Variants in MED23 observed in about 807,000 individuals in gnomAD.
MED23 encodes mediator complex subunit 23, also known as mediator of RNA polymerase II transcription subunit 23.
In MED23, 105 loss-of-function variants were observed where a neutral mutation model predicts 163.9. The observed-to-expected ratio is 0.64, with a 90% CI of 0.55 to 0.75. The LOEUF is 0.75. MED23 is among the 30% of genes least tolerant of loss of function. The pLI is 0.00. For missense variants in MED23, 1,054 were observed against 1,649.0 expected, an observed-to-expected ratio of 0.64 and a Z score of 6.25; for synonymous variants, 561 against 565.6, an observed-to-expected ratio of 0.99 and a Z score of 0.12.
At chr6:131,583,807 A>G, downstream of MED23, 1 of 1,614,092 alleles carries the variant, frequency 6.2e-7, no homozygotes. Context: ...AGAAGAAGTA[A>G]CTCGAACAGT....
chr6:131,581,317 C>A (rs1451472748), intron 30 of MED23: 1 of 1,613,878 alleles, frequency 6.2e-7, no homozygotes, highest in Admixed American at 1.7e-5. Flanking sequence ...CCACTGACAA[C>A]CACAAGTGGA....
intron 10 of MED23, among the ~76,000 whole-genome samples, chr6:131,611,638 T>C (rs1776281882): frequency 6.6e-6 from 1 of 152,068 alleles, no homozygotes; most frequent in Non-Finnish European, 1.5e-5. Context: ...ACCAACAACC[T>C]AAGAAATGTG....
intron 22 of MED23, among the ~76,000 whole-genome samples, chr6:131,594,853 A>G (rs1353082761): frequency 6.6e-6 from 1 of 152,208 alleles, no homozygotes; most frequent in African/African-American, 2.4e-5. Context: ...CAGCCAGGAT[A>G]TCTAAGAGGG....
At chr6:131,574,225 G>T in exon 31 of MED23, 1 of 1,587,984 alleles carries the variant, frequency 6.3e-7, no homozygotes, top group Non-Finnish European at 8.6e-7. Context: ...TTTTCTCCAG[G>T]TTTCTCAGGA....
chr6:131,606,504 G>T lies in MED23; in HGVS notation c.1342C>A (p.Pro448Thr), dbSNP rs1332611848. 3 of 1,613,402 alleles carry T rather than the reference G, an allele frequency of 1.9e-6. No homozygotes were observed. The highest frequency in any genetic ancestry group is 2.5e-6 in the Non-Finnish European group (3 of 1,179,622). ...TCATGGTGAAGTCTTAGGGAATGAG[G>T]TATTGGAATCTGTAGCTTGGAGTTG... ...NDNSKLQIPIPHSLRLHHEFL... is the reference protein window; with the variant it reads ...NDNSKLQIPITHSLRLHHEFL... The change falls in exon 13 of 29, where the codon CCT becomes ACT. Residue 448 changes from proline (P) to threonine (T), a missense_variant. Transcript: ENST00000368068.
In MED23 at chr6:131,606,606, T is replaced by C; in HGVS notation, c.1240A>G (p.Ile414Val). 2 of 1,611,352 alleles carry C rather than the reference T, an allele frequency of 1.2e-6. No homozygotes were observed. The highest frequency in any genetic ancestry group is 2.2e-5 in the East Asian group (1 of 44,772). ...PEKEYIPVPD[I>V]NKPQSTHAFA... ...GCATGGGTTGACTGGGGTTTGTTAA[T>C]ATCAGGAACTGGGATATACTGAAAA... is the stretch of plus-strand genomic sequence containing the variant. The change falls in exon 13 of 29, where the codon ATT (isoleucine) becomes GTT (valine). Residue 414 changes from isoleucine to valine, a missense_variant. Coordinates refer to ENST00000368068, the MANE Select transcript of MED23 (RefSeq NM_004830.4).
downstream of MED23, chr6:131,582,568 A>G: frequency 6.5e-6 from 9 of 1,375,866 alleles, no homozygotes; most frequent in South Asian, 2.3e-5. Flanking sequence ...CTTTGAATGT[A>G]GGATTTGTTC....
chr6:131,582,427 G>T (rs1773973879), downstream of MED23, among the ~76,000 whole-genome samples: 1 of 152,114 alleles, frequency 6.6e-6, no homozygotes, highest in Non-Finnish European at 1.5e-5. Context: ...AATGCCAACT[G>T]GTTCAAGGCA....
intron 3 of MED23, chr6:131,627,052 GA>G (rs1777551739): frequency 4.8e-6 from 1 of 206,578 alleles, no homozygotes; most frequent in African/African-American, 2.3e-5. Context: ...CAGAAAAATG[GA>G]ATTTGTATCC....
intron 30 of MED23, among the ~76,000 whole-genome samples, chr6:131,578,186 TAAAAAAAAA>T (rs34484161): frequency 7.1e-6 from 1 of 140,070 alleles, no homozygotes; most frequent in Admixed American, 7.1e-5. Context: ...CGTAAATCTT[TAAAAAAAAA>T]AAAAAAAGAC....
intron 6 of MED23, 118 bp from the exon 7 acceptor site, chr6:131,620,847 G>A: frequency 1.7e-6 from 1 of 592,830 alleles, no homozygotes; most frequent in South Asian, 2.2e-5. Context: ...TGTTGCCCAG[G>A]CTTGGAGTGC....
chr6:131,589,997 G>T (rs1265725493), intron 27 of MED23, among the ~76,000 whole-genome samples: 1 of 152,134 alleles, frequency 6.6e-6, no homozygotes, highest in African/African-American at 2.4e-5. Flanking sequence ...TTCCTTGTTT[G>T]CGACATTTTG....
chr6:131,593,317 G>A (rs1774791361), intron 23 of MED23, 146 bp from the exon 24 acceptor site: 1 of 1,003,838 alleles, frequency 1.0e-6, no homozygotes, highest in East Asian at 2.6e-5. Flanking sequence ...TGACATGATT[G>A]AAATGTATTA....
At chr6:131,625,854 G>A (rs1170075643) in intron 3 of MED23, among the ~76,000 whole-genome samples, 1 of 152,000 alleles carries the variant, frequency 6.6e-6, no homozygotes, top group African/African-American at 2.4e-5. Flanking sequence ...CGGGCGCGGT[G>A]GCTCATGCCT....
chr6:131,592,837 C>G (rs1200221510), intron 24 of MED23, 169 bp downstream of exon 24: 5 of 786,524 alleles, frequency 6.4e-6, no homozygotes, highest in African/African-American at 3.4e-5. Context: ...CTGTCCAGGG[C>G]TCATTCCATA....
chr6:131,599,272 A>C (rs912859605), intron 18 of MED23, among the ~76,000 whole-genome samples: 2 of 152,216 alleles, frequency 1.3e-5, no homozygotes, highest in African/African-American at 4.8e-5. Context: ...CAAGCCCTCC[A>C]GGTGATTTGG....
Position 131,589,513 on chromosome 6 carries a change from G to A in MED23, c.3891C>T (p.Phe1297=), listed in dbSNP as rs1348065283. Residue 1297 remains phenylalanine, a synonymous_variant, in exon 28 of 29, where the codon TTC becomes TTT. Transcript: ENST00000368068. ...HLNYMDPICD[F]LYHMKYMFTG... ...TAAACATATACTTCATGTGATAGAG[G>A]AAGTCACAGATGGGATCCATGTAAT... 4.3e-6 allele frequency: 7 copies of A among 1,613,470 alleles called. No homozygotes were observed. The East Asian group carries it at 1.6e-4, about 36-fold the overall frequency.
At position 131,593,135 on chromosome 6, in the gene MED23, CA is replaced by C. The variant is rs1000094228; in HGVS notation, c.3268del (p.Cys1090ValfsTer38). 6.2e-7 allele frequency: 1 copy of C among 1,614,052 alleles called. No homozygotes were observed. Among genetic ancestry groups the C allele is most frequent in the African/African-American group, 1.3e-5 (1 of 74,934 alleles). ...GGGAAACTCATTGAATCTCCAGTCA[CA>C]GTTTGGAAAGGGACCAGGAGATTTG... ...AGKSPGPFPN[C>X]DWRFNEFPNP... On this transcript the variant is annotated frameshift_variant, in exon 24 of 29. Transcript: ENST00000368068. LOFTEE classifies it high-confidence loss of function.
At position 131,610,051 on chromosome 6, in the gene MED23, G is replaced by A; in HGVS notation, c.1072C>T (p.Gln358Ter). The A allele has an allele frequency of 6.2e-7, 1 of 1,613,418 alleles. No individual in the cohort carries two copies. The highest frequency in any genetic ancestry group is 8.5e-7 in the Non-Finnish European group (1 of 1,179,464). ...CCATAAGATTTAGTACATACCTTCT[G>A]ATGAAGAGAAAGCACCATATGTGGA... Reference protein sequence around the residue: ...SFPHMVLSLHQKLAGRGLIKG... With the variant: ...SFPHMVLSLH Residue 358 changes from glutamine (Q) to a stop codon, truncating the protein, a stop_gained, in exon 11 of 29, where the codon CAG becomes TAG. Coordinates refer to ENST00000368068, the MANE Select transcript of MED23 (RefSeq NM_004830.4). LOFTEE classifies it high-confidence loss of function.
Sources: allele counts gnomAD v4.1 joint callset (sites outside exome capture counted in the v4.1 genomes callset), GRCh38; gene constraint gnomAD v4.1.1; transcripts MANE v1.5; gene names NCBI Gene and HGNC (gene_info 2026-07-23, HGNC 2026-07-21).